The following XRN1 variants were observed in gnomAD, a reference collection of about 807,000 sequenced individuals.
XRN1 encodes 5'-3' exoribonuclease 1, also known as strand-exchange protein 1 homolog.
In XRN1, 67 loss-of-function variants were observed where a neutral mutation model predicts 222.3. The observed-to-expected ratio is 0.30, with a 90% CI of 0.25 to 0.37. The LOEUF (loss-of-function observed/expected upper bound fraction) is 0.37. Ranked by LOEUF, XRN1 falls within the 10% of genes least tolerant of loss-of-function variation. The probability of loss-of-function intolerance (pLI) is 1.00; values close to 1 mark genes in which losing one functional copy is unlikely to be tolerated. For synonymous variants in XRN1, 643 were observed against 652.4 expected (o/e 0.99, Z 0.22); for missense variants, 1,707 against 2,000.2 (o/e 0.85, Z 2.80).
rs752545265 is a variant in XRN1 at position 142,311,760 on chromosome 3, C to G, written c.4836G>C (p.Gln1612His). The change falls in exon 41 of 41, where the codon CAG becomes CAC. Residue 1612 changes from glutamine (Q) to histidine (H), a missense_variant. Physicochemically the swap from Gln to His is conservative, Grantham distance 24. Around this residue, in one of 2 missense-constraint regions of XRN1, gnomAD observed 473 missense variants for 482.0 expected, o/e 0.98. Coordinates refer to ENST00000392981, the MANE Select transcript of XRN1 (RefSeq NM_001282857.2). ...TCTGAACTGGAGTGGCTTGAGAACT[C>G]TGGGCTTCCTTATTCTCAAAGTTCT... ...NKKNFENKEAQSSQATPVQTS... is the reference protein window; with the variant it reads ...NKKNFENKEAHSSQATPVQTS... The G allele has an allele frequency of 6.2e-7, 1 of 1,609,794 alleles. No homozygotes were observed. The highest frequency in any genetic ancestry group is 1.1e-5 in the South Asian group (1 of 90,514).
chr3:142,334,705 C>T (rs2065799682), intron 34 of XRN1, among the ~76,000 whole-genome samples: 1 of 146,944 alleles, frequency 6.8e-6, no homozygotes, highest in South Asian at 2.2e-4. Flanking sequence ...ATATATATGT[C>T]TATGTGTATA....
rs747193458 is a variant in XRN1, at chr3:142,380,659, A to AT, written c.2617-480dup. 2.8e-3 allele frequency among the ~76,000 whole-genome samples: 407 copies of AT among 145,668 alleles called. 11 individuals carry two copies. The East Asian group carries it at 0.047, about 17-fold the overall frequency. On this transcript the variant is annotated intron_variant, in intron 22 of 40. Transcript: ENST00000392981. The stretch of plus-strand genomic sequence containing the variant: ...TGTAAGCCACTGCACCTGGACAATC[A>AT]TTTTTTTTTTTGGCAACAGGGTCTT...
At chr3:142,424,696 G>A (rs1047765880) in intron 5 of XRN1, among the ~76,000 whole-genome samples, 2 of 152,092 alleles carry the variant, frequency 1.3e-5, no homozygotes, top group Non-Finnish European at 2.9e-5. Context: ...AAAATGTTTA[G>A]GATTTGCTTT....
chr3:142,341,432 A>C (rs987568362), intron 33 of XRN1, among the ~76,000 whole-genome samples: 6 of 151,956 alleles, frequency 3.9e-5, no homozygotes, highest in African/African-American at 1.4e-4. Flanking sequence ...GTAAGTCCTC[A>C]CTTGTCAATA....
rs780186876 is a variant in XRN1, at chr3:142,404,002, T to A, written c.1884-13A>T. 6 of 1,543,748 alleles carry A rather than the reference T, an allele frequency of 3.9e-6. No homozygotes were observed. The African/African-American group carries it at 6.9e-5, about 18-fold the overall frequency. On this transcript the variant is annotated splice_polypyrimidine_tract_variant and intron_variant, in intron 16 of 40. Transcript: ENST00000392981. ...TATTATTTTATACCTAGAAAATAAA[T>A]CAAGGCATTTAATTTAAAATTAATA...
At chr3:142,430,043 A>C (rs113817347) in intron 2 of XRN1, among the ~76,000 whole-genome samples, 1,904 of 152,262 alleles carry the variant, frequency 0.013, 43 homozygotes, top group African/African-American at 0.043. Context: ...TAGAGCCCCA[A>C]GTGACAGCTT....
intron 39 of XRN1, among the ~76,000 whole-genome samples, chr3:142,317,462 A>T (rs767812597): frequency 6.6e-6 from 1 of 152,088 alleles, no homozygotes; most frequent in African/African-American, 2.4e-5. Context: ...CCAATTTCCT[A>T]TCTGGGGAGA....
At chr3:142,334,860 C>CA (rs2065808849) in intron 34 of XRN1, among the ~76,000 whole-genome samples, 2 of 144,098 alleles carry the variant, frequency 1.4e-5, no homozygotes, top group East Asian at 4.1e-4. Flanking sequence ...TTTTTTGAGA[C>CA]AGAGTCTCAC....
At chr3:142,416,275 A>G (rs13086907) in intron 13 of XRN1, among the ~76,000 whole-genome samples, 25,971 of 152,044 alleles carry the variant, frequency 0.17, 2,510 homozygotes, top group Admixed American at 0.22. Flanking sequence ...CTCTGCCTCC[A>G]AAGTTCAAGC....
chr3:142,425,141 G>T, intron 5 of XRN1, 81 bp downstream of exon 5: 1 of 998,356 alleles, frequency 1.0e-6, no homozygotes, highest in Non-Finnish European at 1.4e-6. Flanking sequence ...GCCACAGCCA[G>T]TAAGCTTCCT....
intron 17 of XRN1, 32 bp downstream of exon 17, chr3:142,403,837 G>A (rs1193734966): frequency 1.2e-6 from 2 of 1,611,520 alleles, no homozygotes. Flanking sequence ...ACTTAATAAA[G>A]TGAAAAAATT....
intron 33 of XRN1, among the ~76,000 whole-genome samples, chr3:142,337,640 A>G (rs1282406420): frequency 1.3e-5 from 2 of 152,202 alleles, no homozygotes; most frequent in Non-Finnish European, 2.9e-5. Context: ...GAAGAAATTT[A>G]AAGAGTATAA....
chr3:142,400,686 C>G, intron 18 of XRN1, 139 bp from the exon 19 acceptor site: 1 of 570,692 alleles, frequency 1.8e-6, no homozygotes, highest in Non-Finnish European at 3.1e-6. Context: ...TGACTCACAC[C>G]TGTAATCCCA....
In XRN1 at chr3:142,417,662, C is replaced by T. The variant is rs531339909; in HGVS notation, c.1347-433G>A. 1.2e-3 allele frequency among the ~76,000 whole-genome samples: 180 copies of T among 152,310 alleles called. 1 individual carries two copies. Among genetic ancestry groups the T allele is most frequent in the African/African-American group, 3.8e-3 (158 of 41,570 alleles). On this transcript the variant is annotated intron_variant, in intron 12 of 40. Transcript: ENST00000392981. Reference sequence around the variant, plus strand: ...AGATCTTAAAATTTGGTCACAGAAGCTAGAATGCTTTCAGAAGTGCTGTAT... The same window carrying T: ...AGATCTTAAAATTTGGTCACAGAAGTTAGAATGCTTTCAGAAGTGCTGTAT...
At chr3:142,329,681 G>T in intron 36 of XRN1, 66 bp from the exon 37 acceptor site, 1 of 1,454,326 alleles carries the variant, frequency 6.9e-7, no homozygotes, top group Non-Finnish European at 9.1e-7. Context: ...TGCACTTATT[G>T]TAGGGTTTTA....
In XRN1 at chr3:142,422,037, T is replaced by C. The variant is rs1468015123; in HGVS notation, c.968-494A>G. 2.0e-5 allele frequency among the ~76,000 whole-genome samples: 3 copies of C among 152,300 alleles called. No homozygotes were observed. The East Asian group carries it at 5.8e-4, about 29-fold the overall frequency. On this transcript the variant is annotated intron_variant, in intron 8 of 40. Coordinates refer to ENST00000392981, the MANE Select transcript of XRN1 (RefSeq NM_001282857.2). The stretch of plus-strand genomic sequence containing the variant: ...TAAAACCAATAAAGTATGCTGGCTT[T>C]CTTAAGGAATTAAAGGCAAAGATTA...
chr3:142,414,022 C>T (rs894433479), intron 14 of XRN1, 113 bp downstream of exon 14: 3 of 1,120,314 alleles, frequency 2.7e-6, no homozygotes, highest in East Asian at 2.6e-5. Context: ...TGGTTTAAAA[C>T]TGAAAATAAC....
intron 1 of XRN1, among the ~76,000 whole-genome samples, chr3:142,440,531 C>G (rs1214267759): frequency 6.6e-6 from 1 of 151,986 alleles, no homozygotes; most frequent in Admixed American, 6.6e-5. Flanking sequence ...GGCAGTACCC[C>G]CTTAGACCCG....
intron 19 of XRN1, among the ~76,000 whole-genome samples, chr3:142,397,821 T>C (rs528675906): frequency 8.5e-5 from 13 of 152,214 alleles, no homozygotes; most frequent in Admixed American, 8.5e-4. Flanking sequence ...CCAGAAGAGA[T>C]TGAAAATGTT....
Sources: allele counts gnomAD v4.1 joint callset (sites outside exome capture counted in the v4.1 genomes callset), GRCh38; gene constraint gnomAD v4.1.1; regional missense constraint gnomAD v4.1.1; transcripts MANE v1.5; gene names NCBI Gene and HGNC (gene_info 2026-07-23, HGNC 2026-07-21).